CEP192: variants seen among roughly 807,000 people sequenced by gnomAD.
The protein encoded by CEP192 is centrosomal protein 192, also known as centrosomal protein of 192 kDa.
Under a neutral mutation model 271.8 loss-of-function variants are expected in CEP192, and 151 were observed. The ratio of observed to expected loss-of-function variants is 0.56; its 90% CI spans 0.49 to 0.64. The LOEUF is 0.64. Ranked by LOEUF, CEP192 falls within the 30% of genes least tolerant of loss-of-function variation. CEP192 has a pLI of 0.00. For missense variants in CEP192, 2,910 were observed against 3,020.5 expected (o/e 0.96, Z 0.86); for synonymous variants, 995 against 1,076.5 (o/e 0.92, Z 1.48).
chr18:13,059,877 G>A (rs1466749236), intron 21 of CEP192, among the ~76,000 whole-genome samples: 2 of 152,022 alleles, frequency 1.3e-5, no homozygotes, highest in African/African-American at 2.4e-5. Context: ...GCTGCCTCTC[G>A]GTAATTTTCA....
Position 13,019,184 on chromosome 18 carries a change from G to C in CEP192, c.1028G>C (p.Gly343Ala). The C allele has an allele frequency of 6.5e-7, 1 of 1,540,578 alleles. No individual in the cohort carries two copies. The highest frequency in any genetic ancestry group is 8.7e-7 in the Non-Finnish European group (1 of 1,143,076). ...GAGAAAGAAATAGAAAATTTGAAGGGTATTGTTCCAGATCTTAACAGTGTA... is the reference window on the plus strand; with the variant it reads ...GAGAAAGAAATAGAAAATTTGAAGGCTATTGTTCCAGATCTTAACAGTGTA... ...GTEKEIENLKGIVPDLNSECA... is the reference protein window; with the variant it reads ...GTEKEIENLKAIVPDLNSECA... Residue 343 changes from glycine (G) to alanine (A), a missense_variant, in exon 9 of 45, where the codon GGT becomes GCT. Gly to Ala is a moderately conservative substitution (Grantham distance 60). Transcript: ENST00000506447.
At chr18:13,036,863 G>A (rs2035948111) in intron 11 of CEP192, among the ~76,000 whole-genome samples, 1 of 152,194 alleles carries the variant, frequency 6.6e-6, no homozygotes, top group Admixed American at 6.5e-5. Context: ...TTCATGACAA[G>A]CTTATAGAGG....
intron 14 of CEP192, among the ~76,000 whole-genome samples, chr18:13,041,327 T>C (rs1040926463): frequency 1.3e-5 from 2 of 152,196 alleles, no homozygotes; most frequent in African/African-American, 4.8e-5. Context: ...ATTTTTATGA[T>C]AAATATAATA....
chr18:13,045,095 G>A, intron 15 of CEP192, among the ~76,000 whole-genome samples: 1 of 152,086 alleles, frequency 6.6e-6, no homozygotes, highest in Admixed American at 6.6e-5. Flanking sequence ...GTTAAGCTAT[G>A]TCTCTTTTGT....
intron 32 of CEP192, among the ~76,000 whole-genome samples, chr18:13,088,595 C>G (rs1304635282): frequency 1.3e-5 from 2 of 152,154 alleles, no homozygotes; most frequent in African/African-American, 2.4e-5. Flanking sequence ...AGGACCTAAA[C>G]ATAGGATGAG....
At chr18:13,095,735 A>G (rs1248012792) in intron 35 of CEP192, 54 bp downstream of exon 35, 1 of 1,496,732 alleles carries the variant, frequency 6.7e-7, no homozygotes, top group African/African-American at 1.4e-5. Flanking sequence ...CCGGGCCTGC[A>G]CTCCCATTGT....
At chr18:13,032,937 A>G (rs1349391986) in intron 11 of CEP192, among the ~76,000 whole-genome samples, 1 of 152,196 alleles carries the variant, frequency 6.6e-6, no homozygotes. Context: ...CACACTCTAT[A>G]GTTCTATTTG....
chr18:13,022,422 C>G lies in CEP192; in HGVS notation c.1050+3216C>G, dbSNP rs991344564. Among the ~76,000 whole-genome samples, 8 of 151,802 alleles carry G rather than the reference C, an allele frequency of 5.3e-5. 1 individual carries two copies. The highest frequency in any genetic ancestry group is 1.9e-4 in the African/African-American group (8 of 41,306). ...TTGAGACGGAGTCTCTCTCTGTCAC[C>G]CAGGCTGGAGTGCAGTAACATGATT... is the stretch of plus-strand genomic sequence containing the variant. On this transcript the variant is annotated intron_variant, in intron 9 of 44. Transcript: ENST00000506447.
intron 1 of CEP192, among the ~76,000 whole-genome samples, chr18:12,997,462 T>C (rs773755579): frequency 6.6e-6 from 1 of 152,194 alleles, no homozygotes; most frequent in Non-Finnish European, 1.5e-5. Flanking sequence ...CATTTCTTAC[T>C]TTCCAAGGAA....
chr18:13,062,214 C>T (rs1487618292), intron 21 of CEP192, among the ~76,000 whole-genome samples: 8 of 149,066 alleles, frequency 5.4e-5, no homozygotes, highest in Admixed American at 5.3e-4. Flanking sequence ...AGTGTTAAGC[C>T]AGTTAAAAGC....
chr18:13,105,967 A>G (rs931335956), intron 40 of CEP192, among the ~76,000 whole-genome samples: 17 of 152,276 alleles, frequency 1.1e-4, no homozygotes, highest in South Asian at 2.1e-4. Flanking sequence ...CACAGTCCCA[A>G]TCAAAACCCC....
intron 7 of CEP192, among the ~76,000 whole-genome samples, chr18:13,017,615 C>G (rs745363955): frequency 2.6e-5 from 4 of 152,200 alleles, no homozygotes; most frequent in Non-Finnish European, 5.9e-5. Context: ...TTTTCTTTCT[C>G]TCTCCATAAA....
intron 7 of CEP192, 64 bp downstream of exon 7, chr18:13,017,400 G>C: frequency 8.0e-7 from 1 of 1,250,410 alleles, no homozygotes. Context: ...TGGTCTCCTT[G>C]GATGTTCACA....
rs2038102041 is a variant in CEP192 at position 13,073,133 on chromosome 18, G to A, written c.5564G>A (p.Arg1855Lys). ...APTRLSCMLA[R>K]LEIKQLGNRS... ...ACTCGATTATCTTGCATGTTGGCTA[G>A]ACTAGAAATCAAACAACTTGGAAAT... is the stretch of plus-strand genomic sequence containing the variant. The change falls in exon 30 of 45, where the codon AGA becomes AAA. Residue 1855 changes from arginine to lysine, a missense_variant. Physicochemically the swap from Arg to Lys is conservative, Grantham distance 26 (BLOSUM62 2). Coordinates refer to ENST00000506447, the MANE Select transcript of CEP192 (RefSeq NM_032142.4). 2 of 1,613,152 alleles carry A rather than the reference G, an allele frequency of 1.2e-6. No individual in the cohort carries two copies. The highest frequency in any genetic ancestry group is 1.7e-6 in the Non-Finnish European group (2 of 1,179,796).
At position 13,052,917 on chromosome 18, in the gene CEP192, A is replaced by G; in HGVS notation, c.3018-2A>G. On this transcript the variant is annotated splice_acceptor_variant, in intron 17 of 44. Transcript: ENST00000506447. LOFTEE classifies it high-confidence loss of function. ...CAGGTGTGAGCTACTCTTCTCTTTC[A>G]GGTGTGCGTTAGAGTCCTTTGGTTC... is the stretch of plus-strand genomic sequence containing the variant. The G allele has an allele frequency of 1.9e-6, 3 of 1,569,888 alleles. No individual in the cohort carries two copies. Among genetic ancestry groups the G allele is most frequent in the Middle Eastern group, 1.7e-4 (1 of 5,846 alleles).
intron 30 of CEP192, among the ~76,000 whole-genome samples, chr18:13,086,089 A>T (rs1300961052): frequency 6.6e-6 from 1 of 152,136 alleles, no homozygotes; most frequent in East Asian, 1.9e-4. Flanking sequence ...CTCCTTGAAG[A>T]GGTCATTGAC....
At chr18:13,110,169 CAG>C (rs2040145385) in intron 40 of CEP192, among the ~76,000 whole-genome samples, 1 of 152,114 alleles carries the variant, frequency 6.6e-6, no homozygotes, top group Non-Finnish European at 1.5e-5. Flanking sequence ...TTAAATAAAA[CAG>C]AAAAACTAAT....
intron 18 of CEP192, among the ~76,000 whole-genome samples, chr18:13,054,066 G>A (rs2036952941): frequency 6.6e-6 from 1 of 152,124 alleles, no homozygotes; most frequent in African/African-American, 2.4e-5. Context: ...GGCCTCAAGC[G>A]ATCTTCCTGC....
intron 30 of CEP192, among the ~76,000 whole-genome samples, chr18:13,073,568 A>G (rs1031023701): frequency 5.3e-5 from 8 of 152,250 alleles, no homozygotes; most frequent in African/African-American, 1.9e-4. Context: ...TCAGTCGGCT[A>G]TAACTAAATA....
Sources: allele counts gnomAD v4.1 joint callset (sites outside exome capture counted in the v4.1 genomes callset), GRCh38; gene constraint gnomAD v4.1.1; transcripts MANE v1.5; gene names NCBI Gene and HGNC (gene_info 2026-07-23, HGNC 2026-07-21).